Variants in ADAMTS19 observed in about 807,000 individuals in gnomAD.
ADAMTS19 encodes ADAM metallopeptidase with thrombospondin type 1 motif 19, also known as A disintegrin and metalloproteinase with thrombospondin motifs 19.
ADAMTS19 carries 93 observed loss-of-function variants against 153.3 expected under a neutral mutation model. The observed-to-expected ratio is 0.61, with a 90% CI of 0.51 to 0.72. The LOEUF (loss-of-function observed/expected upper bound fraction) is 0.72. ADAMTS19 is among the 30% of genes least tolerant of loss of function. The pLI is 0.00. For synonymous variants in ADAMTS19, 600 were observed against 556.6 expected (o/e 1.08, Z -1.10); for missense variants, 1,482 against 1,552.1 (o/e 0.95, Z 0.76).
At chr5:129,550,572 A>T (rs532797128) in intron 6 of ADAMTS19, among the ~76,000 whole-genome samples, 167 of 149,526 alleles carry the variant, frequency 1.1e-3, no homozygotes, top group Non-Finnish European at 2.2e-3. Flanking sequence ...ATACATATGT[A>T]TACATATATA....
At chr5:129,724,284 C>T (rs79155518) in intron 21 of ADAMTS19, among the ~76,000 whole-genome samples, 2,944 of 152,248 alleles carry the variant, frequency 0.019, 82 homozygotes, top group African/African-American at 0.065. Context: ...TCAGGGCCTG[C>T]TATCTGTCAT....
chr5:129,609,756 G>GA (rs1360000485), intron 8 of ADAMTS19, among the ~76,000 whole-genome samples: 3 of 152,026 alleles, frequency 2.0e-5, no homozygotes, highest in African/African-American at 7.2e-5. Context: ...GTGGAAGACG[G>GA]AAAAAAATCA....
In ADAMTS19 at chr5:129,694,806, A is replaced by G. The variant is rs1286554489; in HGVS notation, c.2905A>G (p.Lys969Glu). The G allele has an allele frequency of 1.2e-6, 2 of 1,606,500 alleles. No individual in the cohort carries two copies. Among genetic ancestry groups the G allele is most frequent in the Admixed American group, 1.7e-5 (1 of 59,046 alleles). ...VDNEKCKYLTKPEPQIRKCNE... is the reference protein window; with the variant it reads ...VDNEKCKYLTEPEPQIRKCNE... ...CAATGAGAAATGCAAATACTTAACC[A>G]AGCCAGAGCCACAGATTCGAAAGTG... The change falls in exon 19 of 23, where the codon AAG becomes GAG. Residue 969 changes from lysine (K) to glutamate (E), a missense_variant. This residue lies in a region of ADAMTS19 where 616 missense variants were observed against 724.4 expected (regional missense o/e 0.85). Transcript: ENST00000274487.
chr5:129,488,964 C>A (rs895061393), intron 2 of ADAMTS19, among the ~76,000 whole-genome samples: 1 of 152,060 alleles, frequency 6.6e-6, no homozygotes, highest in Non-Finnish European at 1.5e-5. Context: ...AGTTTTCAAA[C>A]AGAACTGCAG....
rs577478044 is a variant in ADAMTS19 at position 129,583,502 on chromosome 5, C to T, written c.1373-13057C>T. 5.3e-5 allele frequency among the ~76,000 whole-genome samples: 8 copies of T among 152,084 alleles called. No individual in the cohort carries two copies. In the East Asian group the frequency reaches 1.4e-3, roughly 26 times the overall value. ...TTCTCCTGGATAATATCCTGAAGAG[C>T]GTTTTCCAAGTTGGTCCCATTCTCC... On this transcript the variant is annotated intron_variant, in intron 7 of 22. Transcript: ENST00000274487.
chr5:129,565,340 G>A (rs1366145850), intron 7 of ADAMTS19, among the ~76,000 whole-genome samples: 3 of 152,106 alleles, frequency 2.0e-5, no homozygotes, highest in Non-Finnish European at 2.9e-5. Flanking sequence ...AGATATATTC[G>A]ATACACAGAG....
chr5:129,684,988 GA>G (rs11297593), intron 18 of ADAMTS19, among the ~76,000 whole-genome samples: 138,690 of 147,652 alleles, frequency 0.94, 65,228 homozygotes, highest in East Asian at 1. Flanking sequence ...CTCCATTTCA[GA>G]AAAAAAAAGA....
At chr5:129,733,944 CGTGTGTGTGTGTGTGTGTGTGTGT>C (rs34177749) in intron 21 of ADAMTS19, among the ~76,000 whole-genome samples, 5,906 of 147,818 alleles carry the variant, frequency 0.04, 371 homozygotes, top group African/African-American at 0.14. Context: ...CAAGTGTGTG[CGTGTGTGTGTGTGTGTGTGTGTGT>C]GTGTGTGTGT....
chr5:129,482,049 A>G, intron 2 of ADAMTS19, among the ~76,000 whole-genome samples: 1 of 152,116 alleles, frequency 6.6e-6, no homozygotes, highest in East Asian at 1.9e-4. Context: ...ACATTTAAGG[A>G]CTTCACTGCT....
chr5:129,637,799 G>C (rs30691), intron 10 of ADAMTS19, among the ~76,000 whole-genome samples: 2 of 152,058 alleles, frequency 1.3e-5, no homozygotes, highest in African/African-American at 4.8e-5. Context: ...GAGCCAAGAT[G>C]ATTGTGCTAC....
At chr5:129,487,538 T>C (rs1750639384) in intron 2 of ADAMTS19, among the ~76,000 whole-genome samples, 1 of 152,126 alleles carries the variant, frequency 6.6e-6, no homozygotes, top group Admixed American at 6.6e-5. Flanking sequence ...TACCACTTTG[T>C]ATAATATATA....
Position 129,699,995 on chromosome 5 carries a change from A to T in ADAMTS19, c.2955-1393A>T, listed in dbSNP as rs80078686. On this transcript the variant is annotated intron_variant, in intron 19 of 22. Coordinates refer to ENST00000274487, the MANE Select transcript of ADAMTS19 (RefSeq NM_133638.6). ...TGCACAGCTAATAAGGTACCTACAA[A>T]TAACCTCGGGGATTCTGACTGCTCT... is the stretch of plus-strand genomic sequence containing the variant. Among the ~76,000 whole-genome samples, 608 of 152,304 alleles carry T rather than the reference A, an allele frequency of 4.0e-3. 4 individuals are homozygous for T. The highest frequency in any genetic ancestry group is 0.014 in the African/African-American group (583 of 41,558).
intron 8 of ADAMTS19, among the ~76,000 whole-genome samples, chr5:129,598,427 C>T (rs947775520): frequency 6.6e-6 from 1 of 152,144 alleles, no homozygotes; most frequent in African/African-American, 2.4e-5. Flanking sequence ...TTACATTGGA[C>T]ATGACAGTAG....
intron 7 of ADAMTS19, among the ~76,000 whole-genome samples, chr5:129,595,384 T>C (rs1342356569): frequency 6.6e-6 from 1 of 152,156 alleles, no homozygotes; most frequent in East Asian, 1.9e-4. Flanking sequence ...TCTGTTCCTA[T>C]ACTTCCCTGA....
At chr5:129,628,157 T>C (rs1581163333) in intron 10 of ADAMTS19, among the ~76,000 whole-genome samples, 2 of 152,034 alleles carry the variant, frequency 1.3e-5, no homozygotes, top group African/African-American at 4.8e-5. Context: ...TGCAGGAACA[T>C]GGATGGAGGT....
At chr5:129,468,555 T>C (rs534862710) in intron 2 of ADAMTS19, among the ~76,000 whole-genome samples, 20 of 151,942 alleles carry the variant, frequency 1.3e-4, no homozygotes, top group Non-Finnish European at 2.2e-4. Flanking sequence ...GGTTTCACCG[T>C]GTTGCCCAGG....
chr5:129,529,434 T>C (rs1049198872), intron 6 of ADAMTS19, among the ~76,000 whole-genome samples: 2 of 152,258 alleles, frequency 1.3e-5, no homozygotes, highest in African/African-American at 2.4e-5. Flanking sequence ...ATTCATAAGG[T>C]TGAAAAATCT....
At chr5:129,603,420 T>C (rs74290700) in intron 8 of ADAMTS19, among the ~76,000 whole-genome samples, 3,649 of 152,298 alleles carry the variant, frequency 0.024, 119 homozygotes, top group African/African-American at 0.079. Flanking sequence ...GTGTCTTAGA[T>C]TATTTTGTTA....
chr5:129,688,766 A>G (rs1561650476), intron 18 of ADAMTS19, among the ~76,000 whole-genome samples: 1 of 152,206 alleles, frequency 6.6e-6, no homozygotes, highest in Non-Finnish European at 1.5e-5. Context: ...TTTGTATTTT[A>G]ACATCAGTCA....
Sources: gnomAD v4.1 joint callset for allele counts (sites outside exome capture counted in the v4.1 genomes callset) on GRCh38, gnomAD v4.1.1 for gene constraint, gnomAD v4.1.1 regional missense constraint, MANE v1.5 for transcripts, NCBI Gene and HGNC (gene_info 2026-07-23, HGNC 2026-07-21) for gene names.